The following CETN3 variants were observed in gnomAD, a reference collection of about 807,000 sequenced individuals.
The protein encoded by CETN3 is centrin-3.
Under a neutral mutation model 20.1 loss-of-function variants are expected in CETN3, and 17 were observed. That is an observed-to-expected ratio of 0.85 (90% CI 0.58 to 1.27). CETN3 has a LOEUF of 1.27. Among genes scored for constraint, CETN3 ranks in the 50% most tolerant of loss-of-function variants. The pLI is 0.00. For synonymous variants in CETN3, 52 were observed against 59.7 expected, an observed-to-expected ratio of 0.87 and a Z score of 0.59; for missense variants, 169 against 191.2, an observed-to-expected ratio of 0.88 and a Z score of 0.69.
Position 90,393,867 on chromosome 5 carries a change from A to C in CETN3, c.*197T>G. ...ATATAAAAGCTCTATTATAAATACA[A>C]AGCTAAACTATCTGAGTACTAACAA... On this transcript the variant is annotated 3_prime_UTR_variant, in exon 5 of 5. Coordinates refer to ENST00000283122, the MANE Select transcript of CETN3 (RefSeq NM_004365.4). The C allele has an allele frequency of 2.3e-6, 1 of 427,970 alleles. No homozygotes were observed. The allele number at this position is 427,970 out of a possible 1,614,324, so 26.5% of individuals were successfully genotyped here. A position where few individuals can be genotyped will look rare whatever the true frequency, so the allele number is the denominator to read the frequency against.
At chr5:90,396,482 C>A (rs912902868) in intron 4 of CETN3, 2 of 1,528,324 alleles carry the variant, frequency 1.3e-6, no homozygotes, top group African/African-American at 1.4e-5. Flanking sequence ...ATCAGTTTAG[C>A]CAGTGTGCAC....
rs762113706 is a variant in CETN3, at chr5:90,405,693, T to G, written c.260A>C (p.Asn87Thr). The stretch of plus-strand genomic sequence containing the variant: ...ACTATTAAAATACACACCAACTTCA[T>G]TAAAATCTTCAAAGGTGATTTTCCC... ...ATGKITFEDF[N>T]EVVTDWILER... Residue 87 changes from asparagine to threonine, a missense_variant, in exon 3 of 5, where the codon AAT becomes ACT. Coordinates refer to ENST00000283122, the MANE Select transcript of CETN3 (RefSeq NM_004365.4). 6.3e-7 allele frequency: 1 copy of G among 1,589,948 alleles called. No individual in the cohort carries two copies. The highest frequency in any genetic ancestry group is 1.3e-5 in the African/African-American group (1 of 74,442).
chr5:90,393,961 T>C lies in CETN3; in HGVS notation c.*103A>G, dbSNP rs934562760. 1.7e-5 allele frequency: 13 copies of C among 782,052 alleles called. No individual in the cohort carries two copies. The African/African-American group carries it at 1.9e-4, about 12-fold the overall frequency. The allele number at this position is 782,052 out of a possible 1,614,324, so 48.4% of individuals were successfully genotyped here. A position where few individuals can be genotyped will look rare whatever the true frequency, so the allele number is the denominator to read the frequency against. Reference sequence around the variant, plus strand: ...TATAAGATGCTTATTTTTGGTCCTTTAGGATAAAAGAACTAAGTTGGTTTT... The same window carrying C: ...TATAAGATGCTTATTTTTGGTCCTTCAGGATAAAAGAACTAAGTTGGTTTT... On this transcript the variant is annotated 3_prime_UTR_variant, in exon 5 of 5. Transcript: ENST00000283122.
At chr5:90,402,429 T>C (rs1371545195) in intron 3 of CETN3, among the ~76,000 whole-genome samples, 1 of 152,204 alleles carries the variant, frequency 6.6e-6, no homozygotes, top group Admixed American at 6.5e-5. Flanking sequence ...CACTACCTAG[T>C]TTCCCAAACA....
intron 4 of CETN3, chr5:90,396,625 C>A: frequency 8.9e-7 from 1 of 1,127,924 alleles, no homozygotes; most frequent in Admixed American, 2.5e-5. Context: ...ATCATTTTAA[C>A]AGTGTAATAC....
chr5:90,405,842 A>C (rs1749425342), intron 2 of CETN3, 43 bp from the exon 3 acceptor site: 1 of 1,181,450 alleles, frequency 8.5e-7, no homozygotes, highest in African/African-American at 1.5e-5. Context: ...AGCACTCTTT[A>C]CAAAAGAATT....
chr5:90,398,065 CA>C (rs1749178397), intron 4 of CETN3, among the ~76,000 whole-genome samples: 1 of 151,882 alleles, frequency 6.6e-6, no homozygotes, highest in Non-Finnish European at 1.5e-5. Context: ...GTTGAGGGGG[CA>C]GGGGGAAGTG....
Position 90,405,720 on chromosome 5 carries a change from G to T in CETN3, c.233C>A (p.Thr78Lys). The T allele has an allele frequency of 1.2e-6, 2 of 1,612,202 alleles. No homozygotes were observed. Among genetic ancestry groups the T allele is most frequent in the South Asian group, 2.2e-5 (2 of 91,018 alleles). ...KILKDYDREA[T>K]GKITFEDFNE... ...AAAATCTTCAAAGGTGATTTTCCCT[G>T]TGGCTTCTCTGTCATAATCTTTAAG... Residue 78 changes from threonine to lysine, a missense_variant, in exon 3 of 5, where the codon ACA becomes AAA. Physicochemically the swap from Thr to Lys is moderately conservative, Grantham distance 78. Coordinates refer to ENST00000283122, the MANE Select transcript of CETN3 (RefSeq NM_004365.4).
chr5:90,408,760 T>C (rs1177110519), intron 1 of CETN3, among the ~76,000 whole-genome samples: 1 of 144,122 alleles, frequency 6.9e-6, no homozygotes, highest in Non-Finnish European at 1.5e-5. Flanking sequence ...AAAACACCTA[T>C]CTAGTTGCAT....
intron 4 of CETN3, among the ~76,000 whole-genome samples, chr5:90,395,309 A>T (rs1479567293): frequency 1.3e-5 from 2 of 152,200 alleles, no homozygotes; most frequent in Non-Finnish European, 1.5e-5. Flanking sequence ...AATGAGAAAG[A>T]TATTATATGA....
chr5:90,402,188 C>T (rs901989715), intron 3 of CETN3, among the ~76,000 whole-genome samples: 4 of 152,124 alleles, frequency 2.6e-5, no homozygotes, highest in Non-Finnish European at 4.4e-5. Flanking sequence ...TTTTCACCCT[C>T]GCCATCCTCA....
chr5:90,409,662 T>TCGC lies in CETN3; in HGVS notation c.-2_-1insGCG. On this transcript the variant is annotated 5_prime_UTR_variant, in exon 1 of 5. In the 5' UTR this introduces an upstream ATG that the reference lacks. Coordinates refer to ENST00000283122, the MANE Select transcript of CETN3 (RefSeq NM_004365.4). ...TTACCGACCTCAGAGCTAAACTCAT[T>TCGC]ATCTCTTCGCACAGAGACGTTCCTC... The TCGC allele has an allele frequency of 6.2e-7, 1 of 1,614,072 alleles. No homozygotes were observed. Among genetic ancestry groups the TCGC allele is most frequent in the Middle Eastern group, 1.6e-4 (1 of 6,062 alleles).
intron 4 of CETN3, chr5:90,396,132 A>G (rs912879387): frequency 8.2e-6 from 8 of 980,874 alleles, no homozygotes; most frequent in Non-Finnish European, 9.7e-6. Context: ...GGAAGTAGAA[A>G]GAGAGCTGGG....
At chr5:90,394,940 T>C (rs1478681123) in intron 4 of CETN3, among the ~76,000 whole-genome samples, 2 of 152,186 alleles carry the variant, frequency 1.3e-5, no homozygotes, top group Admixed American at 1.3e-4. Flanking sequence ...CAGAAGATAC[T>C]TCTGGTAAGT....
intron 4 of CETN3, among the ~76,000 whole-genome samples, chr5:90,394,377 A>C (rs1749092855): frequency 6.6e-6 from 1 of 152,054 alleles, no homozygotes; most frequent in Admixed American, 6.5e-5. Context: ...ATGTTACCAA[A>C]AAAGTCAATC....
intron 4 of CETN3, among the ~76,000 whole-genome samples, chr5:90,397,312 A>G (rs1749157519): frequency 6.6e-6 from 1 of 152,104 alleles, no homozygotes; most frequent in South Asian, 2.1e-4. Flanking sequence ...TCTATTAACA[A>G]TATCTTATAT....
chr5:90,398,511 C>T (rs1002142372), intron 4 of CETN3, among the ~76,000 whole-genome samples: 4 of 152,072 alleles, frequency 2.6e-5, no homozygotes, highest in African/African-American at 9.7e-5. Flanking sequence ...CAGAAATTAA[C>T]AATTAGAGCA....
In CETN3 at chr5:90,393,360, CAATTT is replaced by C. The variant is rs1749061836; in HGVS notation, c.*699_*703del. The C allele has an allele frequency of 6.6e-6, 1 of 152,116 alleles. No homozygotes were observed. The highest frequency in any genetic ancestry group is 2.4e-5 in the African/African-American group (1 of 41,422). The allele number at this position is 152,116 out of a possible 1,614,324, so 9.4% of individuals were successfully genotyped here. On this transcript the variant is annotated 3_prime_UTR_variant, in exon 5 of 5. Coordinates refer to ENST00000283122, the MANE Select transcript of CETN3 (RefSeq NM_004365.4). ...TTAGAAAATTCAAATTGTATTCATT[CAATTT>C]GTTTAAGGAAATATTCAGAAGAAAA...
chr5:90,407,715 T>TCAG lies in CETN3; in HGVS notation c.136_137insCTG (p.Ile45_Asp46insAla). ...TACCATTACCTTTAATTCATGATAATCTATTGCTTCATCTTTGTCTGTATC... is the reference window on the plus strand; with the variant it reads ...TACCATTACCTTTAATTCATGATAATCAGCTATTGCTTCATCTTTGTCTGTATC... On this transcript the variant is annotated inframe_insertion, in exon 2 of 5. Coordinates refer to ENST00000283122, the MANE Select transcript of CETN3 (RefSeq NM_004365.4). The TCAG allele has an allele frequency of 6.5e-7, 1 of 1,539,836 alleles. No individual in the cohort carries two copies. The highest frequency in any genetic ancestry group is 1.4e-5 in the African/African-American group (1 of 72,648).
Sources: gnomAD v4.1 joint callset for allele counts (sites outside exome capture counted in the v4.1 genomes callset) on GRCh38, gnomAD v4.1.1 for gene constraint, MANE v1.5 for transcripts, NCBI Gene and HGNC (gene_info 2026-07-23, HGNC 2026-07-21) for gene names.